VIM: variants seen among roughly 807,000 people sequenced by gnomAD.
The protein encoded by VIM is vimentin, also known as epididymis secretory sperm binding protein.
A neutral mutation model predicts 50.3 loss-of-function variants in VIM; 18 were observed. The observed-to-expected ratio is 0.36, with a 90% CI of 0.25 to 0.53. VIM has a LOEUF of 0.53. VIM is among the 20% of genes least tolerant of loss of function. The pLI is 0.91. For missense variants in VIM, 551 were observed against 614.7 expected (o/e 0.90, Z 1.10); for synonymous variants, 245 against 248.5 (o/e 0.99, Z 0.13).
At position 17,235,154 on chromosome 10, in the gene VIM, T is replaced by C; in HGVS notation, c.1009-15T>C. 1 of 1,613,958 alleles carries C rather than the reference T, an allele frequency of 6.2e-7. No homozygotes were observed. Among genetic ancestry groups the C allele is most frequent in the Non-Finnish European group, 8.5e-7 (1 of 1,179,830 alleles). On this transcript the variant is annotated splice_polypyrimidine_tract_variant and intron_variant, in intron 6 of 9. Transcript: ENST00000544301. ...TCTGAGAAATAACACCAGACATCTT[T>C]CTCACCCCCTGCAGAATGAGTCCCT...
At chr10:17,231,779 T>C (rs569187038) in intron 3 of VIM, among the ~76,000 whole-genome samples, 4,441 of 151,850 alleles carry the variant, frequency 0.029, 211 homozygotes, top group African/African-American at 0.1. Context: ...GCGTGTTTTT[T>C]TTTTTTTTCA....
chr10:17,234,637 A>G (rs560751704), intron 5 of VIM, 56 bp from the exon 6 acceptor site: 24 of 1,607,610 alleles, frequency 1.5e-5, no homozygotes, highest in African/African-American at 8.0e-5. Context: ...TTTTTTTCTA[A>G]GAGAGTCAAA....
rs1038272949 is a variant in VIM at position 17,229,707 on chromosome 10, G to A, written c.285G>A (p.Glu95=). 6.4e-7 allele frequency: 1 copy of A among 1,573,100 alleles called. No homozygotes were observed. The highest frequency in any genetic ancestry group is 1.4e-5 in the African/African-American group (1 of 74,032). ...CGCTGGCCGACGCCATCAACACCGA[G>A]TTCAAGAACACCCGCACCAACGAGA... ...DFSLADAINT[E]FKNTRTNEKV... The change falls in exon 2 of 10, where the codon GAG becomes GAA. Residue 95 remains glutamate (E), a synonymous_variant. Transcript: ENST00000544301.
In VIM at chr10:17,229,857, C is replaced by T; in HGVS notation, c.435C>T (p.Arg145=). ...AGCTCAAGGGCCAAGGCAAGTCGCGCCTGGGGGACCTCTACGAGGAGGAGA... is the reference window on the plus strand; with the variant it reads ...AGCTCAAGGGCCAAGGCAAGTCGCGTCTGGGGGACCTCTACGAGGAGGAGA... ...LEQLKGQGKS[R]LGDLYEEEMR... is the part of the protein sequence containing the mutation. The change falls in exon 2 of 10, where the codon CGC becomes CGT. Residue 145 remains arginine (R), a synonymous_variant. Coordinates refer to ENST00000544301, the MANE Select transcript of VIM (RefSeq NM_003380.5). 6.2e-7 allele frequency: 1 copy of T among 1,607,526 alleles called. No homozygotes were observed. Among genetic ancestry groups the T allele is most frequent in the South Asian group, 1.1e-5 (1 of 89,844 alleles).
At position 17,235,857 on chromosome 10, in the gene VIM, C is replaced by G; in HGVS notation, c.1241C>G (p.Pro414Arg). 1 of 1,613,986 alleles carries G rather than the reference C, an allele frequency of 6.2e-7. No individual in the cohort carries two copies. Among genetic ancestry groups the G allele is most frequent in the Non-Finnish European group, 8.5e-7 (1 of 1,179,910 alleles). Residue 414 changes from proline (P) to arginine (R), a missense_variant, in exon 8 of 10, where the codon CCT becomes CGT. This residue lies in a region of VIM where 394 missense variants were observed against 437.5 expected (regional missense o/e 0.90). Transcript: ENST00000544301. ...TCATCTGTTTATAGGATTTCTCTGCCTCTTCCAAACTTTTCCTCCCTGAAC... is the reference window on the plus strand; with the variant it reads ...TCATCTGTTTATAGGATTTCTCTGCGTCTTCCAAACTTTTCCTCCCTGAAC... ...LEGEESRISL[P>R]LPNFSSLNLR...
chr10:17,235,163 C>T lies in VIM; in HGVS notation c.1009-6C>T, dbSNP rs758883621. ...TAACACCAGACATCTTTCTCACCCC[C>T]TGCAGAATGAGTCCCTGGAACGCCA... On this transcript the variant is annotated splice_region_variant and splice_polypyrimidine_tract_variant and intron_variant, in intron 6 of 9. Coordinates refer to ENST00000544301, the MANE Select transcript of VIM (RefSeq NM_003380.5). 5 of 1,614,200 alleles carry T rather than the reference C, an allele frequency of 3.1e-6. No homozygotes were observed. The East Asian group carries it at 1.1e-4, about 36-fold the overall frequency.
intron 3 of VIM, among the ~76,000 whole-genome samples, chr10:17,232,906 T>C (rs1048787467): frequency 1.3e-5 from 2 of 152,258 alleles, no homozygotes; most frequent in African/African-American, 2.4e-5. Context: ...TTAAAAATGT[T>C]GTGGCATAGA....
At chr10:17,233,533 T>G (rs1367842272) in intron 3 of VIM, 54 bp from the exon 4 acceptor site, 1 of 1,548,806 alleles carries the variant, frequency 6.5e-7, no homozygotes, top group African/African-American at 1.4e-5. Context: ...ATAAATGAGA[T>G]AAGCCATACA....
chr10:17,235,337 C>T lies in VIM; in HGVS notation c.1177C>T (p.Leu393Phe), dbSNP rs1846869327. Reference protein sequence around the residue: ...YQDLLNVKMALDIEIATYRKL... With the variant: ...YQDLLNVKMAFDIEIATYRKL... ...AGACCTGCTCAATGTTAAGATGGCC[C>T]TTGACATTGAGATTGCCACCTACAG... Residue 393 changes from leucine (L) to phenylalanine (F), a missense_variant, in exon 7 of 10, where the codon CTT becomes TTT. This residue lies in a region of VIM where 394 missense variants were observed against 437.5 expected (regional missense o/e 0.90). Coordinates refer to ENST00000544301, the MANE Select transcript of VIM (RefSeq NM_003380.5). 6.2e-6 allele frequency: 10 copies of T among 1,614,084 alleles called. No homozygotes were observed. The highest frequency in any genetic ancestry group is 8.5e-6 in the Non-Finnish European group (10 of 1,180,042).
At position 17,235,242 on chromosome 10, in the gene VIM, C is replaced by CT; in HGVS notation, c.1083dup (p.Ile362TyrfsTer7). 6.2e-7 allele frequency: 1 copy of CT among 1,614,216 alleles called. No individual in the cohort carries two copies. The highest frequency in any genetic ancestry group is 8.5e-7 in the Non-Finnish European group (1 of 1,180,048). On this transcript the variant is annotated frameshift_variant, in exon 7 of 10. Transcript: ENST00000544301. LOFTEE classifies it high-confidence loss of function. Reference sequence around the variant, plus strand: ...GTTGAAGCTGCTAACTACCAAGACACTATTGGCCGCCTGCAGGATGAGATT... The same window carrying CT: ...GTTGAAGCTGCTAACTACCAAGACACTTATTGGCCGCCTGCAGGATGAGATT...
intron 1 of VIM, 80 bp from the exon 2 acceptor site, chr10:17,229,196 G>C (rs1008276496): frequency 4.4e-6 from 2 of 450,066 alleles, no homozygotes; most frequent in Admixed American, 4.0e-5. Flanking sequence ...TGGCTGGCGC[G>C]CTCCGCGGCT....
chr10:17,229,144 A>AGGGCGC, intron 1 of VIM, 132 bp from the exon 2 acceptor site: 1 of 176,160 alleles, frequency 5.7e-6, no homozygotes, highest in South Asian at 6.2e-5. Context: ...GGGCGCCCCC[A>AGGGCGC]CCCCACCCGC....
chr10:17,237,590 A>G lies in VIM; in HGVS notation c.*319A>G, dbSNP rs937770720. 23 of 270,952 alleles carry G rather than the reference A, an allele frequency of 8.5e-5. No individual in the cohort carries two copies. The highest frequency in any genetic ancestry group is 1.5e-4 in the Non-Finnish European group (21 of 143,708). The allele number at this position is 270,952 out of a possible 1,614,324, so 16.8% of individuals were successfully genotyped here. A position where few individuals can be genotyped will look rare whatever the true frequency, so the allele number is the denominator to read the frequency against. On this transcript the variant is annotated 3_prime_UTR_variant, in exon 10 of 10. Transcript: ENST00000544301. ...TCTGCTTCAATAAATCTTTGGAAAAACTCTTTTGTTGTGTTATTTATTGGA... is the reference window on the plus strand; with the variant it reads ...TCTGCTTCAATAAATCTTTGGAAAAGCTCTTTTGTTGTGTTATTTATTGGA...
rs756629184 is a variant in VIM at position 17,233,645 on chromosome 10, A to G, written c.683A>G (p.Gln228Arg). Residue 228 changes from glutamine (Q) to arginine (R), a missense_variant, in exon 4 of 10, where the codon CAA becomes CGA. Around this residue, in one of 3 missense-constraint regions of VIM, gnomAD observed 394 missense variants for 437.5 expected, o/e 0.90. Transcript: ENST00000544301. ...LDLERKVESL[Q>R]EEIAFLKKLH... ...CTTGAACGCAAAGTGGAATCTTTGC[A>G]AGAAGAGATTGCCTTTTTGAAGAAA... 3 of 1,614,206 alleles carry G rather than the reference A, an allele frequency of 1.9e-6. No homozygotes were observed. In the South Asian group the frequency reaches 3.3e-5, roughly 18 times the overall value.
rs529428223 is a variant in VIM, at chr10:17,228,449, G to A, written c.-223G>A. The A allele has an allele frequency of 5.9e-5, 9 of 152,392 alleles. No individual in the cohort carries two copies. The highest frequency in any genetic ancestry group is 2.1e-4 in the South Asian group (1 of 4,838). The allele number at this position is 152,392 out of a possible 1,614,324, so 9.4% of individuals were successfully genotyped here. ...ACTAGCAGCGCGCGCGGAGCCCGCT[G>A]AGACTTGAATCAATCTGGTCTAACG... On this transcript the variant is annotated 5_prime_UTR_variant, in exon 1 of 10. Coordinates refer to ENST00000544301, the MANE Select transcript of VIM (RefSeq NM_003380.5).
Position 17,236,501 on chromosome 10 carries a change from C to T in VIM, c.1359+122C>T, listed in dbSNP as rs888368195. 9.3e-5 allele frequency: 78 copies of T among 840,856 alleles called. No homozygotes were observed. The East Asian group carries it at 1.9e-3, about 20-fold the overall frequency. 52.1% of individuals were successfully genotyped at this position (840,856 alleles called of 1,614,324 possible). On this transcript the variant is annotated intron_variant, in intron 9 of 9. Coordinates refer to ENST00000544301, the MANE Select transcript of VIM (RefSeq NM_003380.5). ...TGAGAGGTTCAGGTTTCATTCATGC[C>T]TACTAAAAAAAGAATAGGCTTCTTC... is the stretch of plus-strand genomic sequence containing the variant.
rs756656437 is a variant in VIM at position 17,229,426 on chromosome 10, T to C, written c.4T>C (p.Ser2Pro). 6.2e-7 allele frequency: 1 copy of C among 1,603,664 alleles called. No individual in the cohort carries two copies. The highest frequency in any genetic ancestry group is 2.2e-5 in the East Asian group (1 of 44,542). Reference protein sequence around the residue: MSTRSVSSSSYR... With the variant: MPTRSVSSSSYR... ...GCCATCGCCACCCTCCGCAGCCATG[T>C]CCACCAGGTCCGTGTCCTCGTCCTC... Residue 2 changes from serine (S) to proline (P), a missense_variant, in exon 2 of 10, where the codon TCC becomes CCC. Physicochemically the swap from Ser to Pro is moderately conservative, Grantham distance 74 (BLOSUM62 -1). This residue lies in a region of VIM where 134 missense variants were observed against 126.4 expected (regional missense o/e 1.06). Coordinates refer to ENST00000544301, the MANE Select transcript of VIM (RefSeq NM_003380.5).
intron 9 of VIM, among the ~76,000 whole-genome samples, chr10:17,236,978 A>G (rs1232215761): frequency 6.6e-6 from 1 of 152,200 alleles, no homozygotes; most frequent in East Asian, 1.9e-4. Context: ...ACCATCTTTT[A>G]TAAACACAGT....
In VIM at chr10:17,237,292, A is replaced by C. The variant is rs1846909313; in HGVS notation, c.*21A>C. 1.2e-6 allele frequency: 2 copies of C among 1,602,950 alleles called. No individual in the cohort carries two copies. Among genetic ancestry groups the C allele is most frequent in the African/African-American group, 2.7e-5 (2 of 74,794 alleles). ...AATAAAAATTGCACACACTCAGTGC[A>C]GCAATATATTACCAGCAAGAATAAA... On this transcript the variant is annotated 3_prime_UTR_variant, in exon 10 of 10. Transcript: ENST00000544301.
Sources: gnomAD v4.1 joint callset for allele counts (sites outside exome capture counted in the v4.1 genomes callset) on GRCh38, gnomAD v4.1.1 for gene constraint, gnomAD v4.1.1 regional missense constraint, MANE v1.5 for transcripts, NCBI Gene and HGNC (gene_info 2026-07-23, HGNC 2026-07-21) for gene names.